Variants in CHRNA9 observed in about 807,000 individuals in gnomAD.
CHRNA9 encodes the protein cholinergic receptor nicotinic alpha 9 subunit.
In CHRNA9, 24 loss-of-function variants were observed where a neutral mutation model predicts 36.8. The observed-to-expected ratio is 0.65, with a 90% CI of 0.47 to 0.92. The LOEUF is 0.92. Among genes scored for constraint, CHRNA9 ranks in the 40% least tolerant of loss-of-function variants. The pLI is 0.00. For synonymous variants in CHRNA9, 231 were observed against 231.8 expected, an observed-to-expected ratio of 1.00 and a Z score of 0.03; for missense variants, 610 against 601.2, an observed-to-expected ratio of 1.01 and a Z score of -0.15.
chr4:40,335,478 C>T lies in CHRNA9; in HGVS notation c.11C>T (p.Ser4Phe). The T allele has an allele frequency of 6.2e-7, 1 of 1,613,192 alleles. No individual in the cohort carries two copies. The highest frequency in any genetic ancestry group is 1.1e-5 in the South Asian group (1 of 91,068). Residue 4 changes from serine to phenylalanine, a missense_variant, in exon 1 of 5, where the codon TCC becomes TTC. By Grantham distance (155) the Ser-to-Phe change is radical. Coordinates refer to ENST00000310169, the MANE Select transcript of CHRNA9 (RefSeq NM_017581.4). MNW[S>F]HSCISFCWIY... ...AGGCTCAGGAAAAAGATGAACTGGT[C>T]CCATTCCTGCATCTCCTTTTGCTGG...
intron 3 of CHRNA9, among the ~76,000 whole-genome samples, chr4:40,339,698 T>C (rs189624817): frequency 2.5e-4 from 36 of 146,224 alleles, no homozygotes; most frequent in African/African-American, 8.9e-4. Flanking sequence ...GTCTCACTCC[T>C]ATCGCCCACG....
intron 3 of CHRNA9, 75 bp from the exon 4 acceptor site, chr4:40,348,807 A>T: frequency 7.0e-7 from 1 of 1,426,460 alleles, no homozygotes; most frequent in African/African-American, 1.4e-5. Context: ...TGATGGGGAC[A>T]GTGAGCTGTC....
chr4:40,335,682 C>T, intron 1 of CHRNA9, 145 bp from the exon 2 acceptor site: 1 of 1,001,852 alleles, frequency 1.0e-6, no homozygotes, highest in East Asian at 2.4e-5. Context: ...GTAGGGCATG[C>T]CAGAAAAACA....
At chr4:40,349,535 G>C (rs1712737118) in intron 4 of CHRNA9, 121 bp downstream of exon 4, 1 of 957,370 alleles carries the variant, frequency 1.0e-6, no homozygotes. Flanking sequence ...AATACAGACT[G>C]TCTCAAATTT....
intron 3 of CHRNA9, 56 bp from the exon 4 acceptor site, chr4:40,348,826 G>A: frequency 6.4e-7 from 1 of 1,557,110 alleles, no homozygotes; most frequent in Non-Finnish European, 8.8e-7. Context: ...TCTGGGGTAA[G>A]GAAGGTGGCA....
At chr4:40,353,035 ATAT>A (rs1411899164) in intron 4 of CHRNA9, among the ~76,000 whole-genome samples, 2 of 152,114 alleles carry the variant, frequency 1.3e-5, no homozygotes, top group African/African-American at 2.4e-5. Flanking sequence ...TGCGAGTTAG[ATAT>A]TATTATTACA....
rs751239517 is a variant in CHRNA9 at position 40,335,505 on chromosome 4, T to G, written c.38T>G (p.Ile13Ser). The change falls in exon 1 of 5, where the codon ATC becomes AGC. Residue 13 changes from isoleucine to serine, a missense_variant. Ile to Ser is a moderately radical substitution (Grantham distance 142). Transcript: ENST00000310169. ...WSHSCISFCW[I>S]YFAASRLRAA... ...CATTCCTGCATCTCCTTTTGCTGGA[T>G]CTACTTTGCTGCTTCCAGACTGAGA... The G allele has an allele frequency of 6.2e-7, 1 of 1,613,652 alleles. No homozygotes were observed.
intron 4 of CHRNA9, among the ~76,000 whole-genome samples, chr4:40,352,247 A>G (rs944608313): frequency 6.6e-6 from 1 of 152,230 alleles, no homozygotes; most frequent in African/African-American, 2.4e-5. Flanking sequence ...TTTAAGACAT[A>G]GTCTAGCTCT....
At chr4:40,349,597 A>G (rs1431615152) in intron 4 of CHRNA9, 183 bp downstream of exon 4, 2 of 596,200 alleles carry the variant, frequency 3.4e-6, no homozygotes, top group African/African-American at 1.9e-5. Flanking sequence ...TTTTGCAATC[A>G]AAACTGGTCT....
rs66847820 is a variant in CHRNA9, at chr4:40,336,486, A to AT, written c.210+524dup. Among the ~76,000 whole-genome samples the AT allele has an allele frequency of 4.4e-3, 656 of 150,426 alleles. 4 individuals carry two copies. Among genetic ancestry groups the AT allele is most frequent in the African/African-American group, 0.015 (628 of 40,936 alleles). On this transcript the variant is annotated intron_variant, in intron 2 of 4. Coordinates refer to ENST00000310169, the MANE Select transcript of CHRNA9 (RefSeq NM_017581.4). ...GAGTTTTAATGTGAATTTGATCTTA[A>AT]TTTTTTTTTTGAGACGGAGTCTTGC...
At chr4:40,347,444 G>A (rs1203437386) in intron 3 of CHRNA9, among the ~76,000 whole-genome samples, 1 of 152,082 alleles carries the variant, frequency 6.6e-6, no homozygotes, top group African/African-American at 2.4e-5. Flanking sequence ...AAATAACTAT[G>A]GTGTATCTAA....
intron 3 of CHRNA9, among the ~76,000 whole-genome samples, chr4:40,342,315 G>T (rs1712521053): frequency 6.6e-6 from 1 of 152,190 alleles, no homozygotes; most frequent in Non-Finnish European, 1.5e-5. Flanking sequence ...ACATCCTCAT[G>T]GAAATGTCCA....
chr4:40,354,073 G>A lies in CHRNA9; in HGVS notation c.993G>A (p.Arg331=). The A allele has an allele frequency of 6.2e-7, 1 of 1,614,254 alleles. No homozygotes were observed. The highest frequency in any genetic ancestry group is 8.5e-7 in the Non-Finnish European group (1 of 1,180,042). The change falls in exon 5 of 5, where the codon CGG becomes CGA. Residue 331 remains arginine (R), a synonymous_variant. Coordinates refer to ENST00000310169, the MANE Select transcript of CHRNA9 (RefSeq NM_017581.4). ...MNIHFCGAEA[R]PVPHWARVVI... Reference sequence around the variant, plus strand: ...TCCACTTCTGTGGGGCCGAGGCCCGGCCGGTGCCACACTGGGCCAGGGTGG... The same window carrying A: ...TCCACTTCTGTGGGGCCGAGGCCCGACCGGTGCCACACTGGGCCAGGGTGG...
At chr4:40,340,500 C>T (rs1712467106) in intron 3 of CHRNA9, among the ~76,000 whole-genome samples, 1 of 152,150 alleles carries the variant, frequency 6.6e-6, no homozygotes, top group African/African-American at 2.4e-5. Context: ...TTAGTCATGG[C>T]TATTTCCCTG....
intron 3 of CHRNA9, among the ~76,000 whole-genome samples, chr4:40,339,568 A>C (rs970228188): frequency 2.0e-5 from 3 of 148,038 alleles, no homozygotes; most frequent in Non-Finnish European, 4.5e-5. Context: ...CAGGAGGCTG[A>C]GGCAGGAGAA....
rs529702652 is a variant in CHRNA9, at chr4:40,347,252, T to G, written c.366-1630T>G. ...CTGTGCCCAATATGTAGTTTTTTTA[T>G]CCCTTACCTCCCTTCAAAAACATGC... On this transcript the variant is annotated intron_variant, in intron 3 of 4. Transcript: ENST00000310169. 1.2e-4 allele frequency among the ~76,000 whole-genome samples: 18 copies of G among 152,246 alleles called. 1 individual carries two copies. In the South Asian group the frequency reaches 3.7e-3, roughly 32 times the overall value.
chr4:40,350,693 TACACAC>T (rs59972613), intron 4 of CHRNA9, among the ~76,000 whole-genome samples: 19 of 143,878 alleles, frequency 1.3e-4, no homozygotes, highest in East Asian at 4.1e-4. Flanking sequence ...CTTTGCAAAA[TACACAC>T]ACACACACAC....
intron 4 of CHRNA9, among the ~76,000 whole-genome samples, chr4:40,350,726 A>ACACACACACACACACC: frequency 6.7e-6 from 1 of 148,268 alleles, no homozygotes; most frequent in East Asian, 2.0e-4. Flanking sequence ...ACACACACAC[A>ACACACACACACACACC]CCTCTCTTTT....
intron 3 of CHRNA9, among the ~76,000 whole-genome samples, chr4:40,345,982 G>A (rs376749899): frequency 7.2e-5 from 11 of 152,280 alleles, no homozygotes; most frequent in African/African-American, 9.6e-5. Context: ...CTGACATGGC[G>A]CCACTGTACT....
Sources: allele counts gnomAD v4.1 joint callset (sites outside exome capture counted in the v4.1 genomes callset), GRCh38; gene constraint gnomAD v4.1.1; transcripts MANE v1.5; gene names NCBI Gene and HGNC (gene_info 2026-07-23, HGNC 2026-07-21).